CA10: variants seen among roughly 807,000 people sequenced by gnomAD.
CA10 encodes carbonic anhydrase-related protein 10.
In CA10, 14 loss-of-function variants were observed where a neutral mutation model predicts 44.2. That is an observed-to-expected ratio of 0.32 (90% CI 0.21 to 0.50). CA10 has a LOEUF of 0.50. Among genes scored for constraint, CA10 ranks in the 20% least tolerant of loss-of-function variants. The pLI, the probability that CA10 is intolerant of heterozygous loss-of-function variation, is 0.99. For missense variants in CA10, 350 were observed against 409.7 expected, an observed-to-expected ratio of 0.85 and a Z score of 1.26; for synonymous variants, 159 against 141.6, an observed-to-expected ratio of 1.12 and a Z score of -0.87.
At chr17:52,130,082 A>T (rs1194508528) in intron 1 of CA10, among the ~76,000 whole-genome samples, 2 of 152,182 alleles carry the variant, frequency 1.3e-5, no homozygotes, top group Non-Finnish European at 2.9e-5. Flanking sequence ...GAAATGAAAT[A>T]AAAATTTAAA....
At chr17:51,911,099 C>G (rs770924217) in intron 3 of CA10, among the ~76,000 whole-genome samples, 3 of 152,124 alleles carry the variant, frequency 2.0e-5, no homozygotes, top group South Asian at 2.1e-4. Flanking sequence ...TGTGACATTA[C>G]GTGGTTCCAC....
intron 2 of CA10, among the ~76,000 whole-genome samples, chr17:52,035,964 C>T (rs1443524079): frequency 2.0e-5 from 3 of 152,188 alleles, no homozygotes; most frequent in Non-Finnish European, 4.4e-5. Flanking sequence ...TTGGCCAACA[C>T]CTTGTCTAGG....
At chr17:51,877,708 A>G (rs1396892240) in intron 3 of CA10, among the ~76,000 whole-genome samples, 1 of 152,186 alleles carries the variant, frequency 6.6e-6, no homozygotes, top group African/African-American at 2.4e-5. Flanking sequence ...CTAAATGACA[A>G]TTAGTATTAC....
At chr17:51,998,507 T>A (rs1290066480) in intron 2 of CA10, among the ~76,000 whole-genome samples, 2 of 152,086 alleles carry the variant, frequency 1.3e-5, no homozygotes, top group Non-Finnish European at 2.9e-5. Flanking sequence ...ACCATCCCTT[T>A]TTCCTCGAGT....
chr17:51,633,262 C>T (rs1239513363), intron 8 of CA10, among the ~76,000 whole-genome samples: 1 of 152,198 alleles, frequency 6.6e-6, no homozygotes, highest in Non-Finnish European at 1.5e-5. Context: ...ACTTACCTAC[C>T]TACCAACCTA....
chr17:51,839,455 T>C lies in CA10; in HGVS notation c.279+91535A>G, dbSNP rs528373348. On this transcript the variant is annotated intron_variant, in intron 3 of 8. Transcript: ENST00000451037. ...TTGCAGTGAGCCCAGATCGCACCACTGCACTCCAGCCTGGGTGACAGAGCA... is the reference window on the plus strand; with the variant it reads ...TTGCAGTGAGCCCAGATCGCACCACCGCACTCCAGCCTGGGTGACAGAGCA... Among the ~76,000 whole-genome samples, 43 of 116,046 alleles carry C rather than the reference T, an allele frequency of 3.7e-4. 2 individuals carry two copies. The highest frequency in any genetic ancestry group is 5.6e-4 in the South Asian group (2 of 3,556). The allele number at this position is 116,046 out of a possible 152,430, so 76.1% of individuals were successfully genotyped here. A position where few individuals can be genotyped will look rare whatever the true frequency, so the allele number is the denominator to read the frequency against.
At chr17:52,010,183 A>C in intron 2 of CA10, among the ~76,000 whole-genome samples, 1 of 152,028 alleles carries the variant, frequency 6.6e-6, no homozygotes, top group East Asian at 1.9e-4. Context: ...ACTATGGAAA[A>C]CAGTGTGGCG....
intron 3 of CA10, among the ~76,000 whole-genome samples, chr17:51,769,804 A>C (rs1056660887): frequency 1.3e-5 from 2 of 152,164 alleles, no homozygotes; most frequent in African/African-American, 2.4e-5. Flanking sequence ...CCAGGTAAAG[A>C]GGGGATATAA....
chr17:52,032,823 A>C (rs1246014407), intron 2 of CA10, among the ~76,000 whole-genome samples: 1 of 152,320 alleles, frequency 6.6e-6, no homozygotes, highest in East Asian at 1.9e-4. Context: ...ATATACTCCA[A>C]TAAAGCCTAT....
At chr17:51,940,517 T>A (rs1255549106) in intron 2 of CA10, among the ~76,000 whole-genome samples, 1 of 152,066 alleles carries the variant, frequency 6.6e-6, no homozygotes. Context: ...ACTTCAGTCA[T>A]ACTTGATAGA....
intron 3 of CA10, among the ~76,000 whole-genome samples, chr17:51,901,790 T>C (rs892066254): frequency 2.0e-5 from 3 of 152,122 alleles, no homozygotes; most frequent in African/African-American, 7.2e-5. Flanking sequence ...CAGCTAACAT[T>C]TATTGATTCC....
chr17:51,939,249 T>C (rs1982985789), intron 2 of CA10, among the ~76,000 whole-genome samples: 1 of 152,154 alleles, frequency 6.6e-6, no homozygotes, highest in South Asian at 2.1e-4. Flanking sequence ...CTTTCTTGTG[T>C]AAAGCTACAG....
chr17:51,656,369 T>C (rs1192463876), intron 4 of CA10, among the ~76,000 whole-genome samples: 1 of 152,196 alleles, frequency 6.6e-6, no homozygotes, highest in Non-Finnish European at 1.5e-5. Flanking sequence ...AGCTGGCAAG[T>C]ACAGGGCTGA....
At chr17:51,740,059 T>G (rs1904395941) in intron 4 of CA10, among the ~76,000 whole-genome samples, 1 of 145,536 alleles carries the variant, frequency 6.9e-6, no homozygotes, top group Non-Finnish European at 1.6e-5. Flanking sequence ...CTGTTAATAT[T>G]GACAACTTTA....
intron 2 of CA10, among the ~76,000 whole-genome samples, chr17:52,040,263 G>C (rs1483129976): frequency 6.6e-6 from 1 of 150,476 alleles, no homozygotes; most frequent in Non-Finnish European, 1.5e-5. Flanking sequence ...ATGGAACCCT[G>C]ATATCAGGTT....
chr17:51,999,940 T>TCTGA (rs754286939), intron 2 of CA10, among the ~76,000 whole-genome samples: 13 of 152,158 alleles, frequency 8.5e-5, no homozygotes, highest in Non-Finnish European at 1.9e-4. Context: ...CGGATCAAAC[T>TCTGA]CTGACAATGA....
chr17:51,789,946 A>G (rs1906448118), intron 3 of CA10, among the ~76,000 whole-genome samples: 1 of 152,134 alleles, frequency 6.6e-6, no homozygotes, highest in Non-Finnish European at 1.5e-5. Context: ...GAGTCACATT[A>G]TCTTACATCC....
chr17:51,935,040 T>C (rs1032688693), intron 2 of CA10, among the ~76,000 whole-genome samples: 2 of 152,080 alleles, frequency 1.3e-5, no homozygotes, highest in Non-Finnish European at 2.9e-5. Flanking sequence ...AGCTTCAAGA[T>C]TTAGAGTGAG....
intron 3 of CA10, among the ~76,000 whole-genome samples, chr17:51,818,663 GTGTTC>G (rs1907658701): frequency 6.6e-6 from 1 of 152,158 alleles, no homozygotes; most frequent in Non-Finnish European, 1.5e-5. Flanking sequence ...CACACCTAAT[GTGTTC>G]CTTTTCTTTC....
Sources: gnomAD v4.1 joint callset for allele counts (sites outside exome capture counted in the v4.1 genomes callset) on GRCh38, gnomAD v4.1.1 for gene constraint, MANE v1.5 for transcripts, NCBI Gene and HGNC (gene_info 2026-07-23, HGNC 2026-07-21) for gene names.